Variants in DNAJC3 observed in about 807,000 individuals in gnomAD.
DNAJC3 encodes dnaJ homolog subfamily C member 3.
DNAJC3 carries 38 observed loss-of-function variants against 68.6 expected under a neutral mutation model. The ratio of observed to expected loss-of-function variants is 0.55; its 90% CI spans 0.43 to 0.73. The LOEUF is 0.73. Among genes scored for constraint, DNAJC3 ranks in the 30% least tolerant of loss-of-function variants. DNAJC3 has a pLI of 0.00. For synonymous variants in DNAJC3, 203 were observed against 204.0 expected, an observed-to-expected ratio of 1.00 and a Z score of 0.04; for missense variants, 526 against 591.9, an observed-to-expected ratio of 0.89 and a Z score of 1.16.
intron 4 of DNAJC3, among the ~76,000 whole-genome samples, chr13:95,732,581 T>A (rs1241829189): frequency 6.6e-6 from 1 of 152,078 alleles, no homozygotes; most frequent in Non-Finnish European, 1.5e-5. Context: ...TCTTGGTTAA[T>A]CTAGCTTGTG....
In DNAJC3 at chr13:95,794,075, C is replaced by T. The variant is rs776275786; in HGVS notation, c.*3045C>T. 22 of 152,064 alleles carry T rather than the reference C, an allele frequency of 1.4e-4. No homozygotes were observed. The highest frequency in any genetic ancestry group is 2.0e-4 in the Admixed American group (3 of 15,272). 9.4% of individuals were successfully genotyped at this position (152,064 alleles called of 1,614,324 possible). On this transcript the variant is annotated 3_prime_UTR_variant, in exon 12 of 12. Coordinates refer to ENST00000602402, the MANE Select transcript of DNAJC3 (RefSeq NM_006260.5). ...GTTTACTAATGTGAATCAGATGTAA[C>T]GTACTACTAATTCTACAATGCCTTT...
chr13:95,756,566 G>A (rs1882671796), intron 4 of DNAJC3, among the ~76,000 whole-genome samples: 1 of 152,192 alleles, frequency 6.6e-6, no homozygotes, highest in African/African-American at 2.4e-5. Flanking sequence ...GTCCCACCAG[G>A]TTGGTAGTGG....
At chr13:95,708,525 G>C (rs1880841637) in intron 1 of DNAJC3, among the ~76,000 whole-genome samples, 1 of 152,088 alleles carries the variant, frequency 6.6e-6, no homozygotes, top group Non-Finnish European at 1.5e-5. Context: ...ACCCTTGCTG[G>C]TCCCTCTTCC....
At chr13:95,735,678 T>A (rs1881886691) in intron 4 of DNAJC3, among the ~76,000 whole-genome samples, 2 of 150,010 alleles carry the variant, frequency 1.3e-5, no homozygotes, top group African/African-American at 4.9e-5. Context: ...GTTTGTTTTT[T>A]TCTTGTAAAT....
rs569066619 is a variant in DNAJC3 at position 95,785,711 on chromosome 13, A to C, written c.1076-228A>C. Among the ~76,000 whole-genome samples the C allele has an allele frequency of 9.9e-5, 15 of 151,028 alleles. 1 individual carries two copies. In the East Asian group the frequency reaches 2.9e-3, roughly 29 times the overall value. On this transcript the variant is annotated intron_variant, in intron 9 of 11. Coordinates refer to ENST00000602402, the MANE Select transcript of DNAJC3 (RefSeq NM_006260.5). The stretch of plus-strand genomic sequence containing the variant: ...AACTCCTGACCCTCATGATCCGCCC[A>C]CCTCGACCTCCCAAAGTGATGGGAT...
At chr13:95,786,774 G>C (rs1245533865) in intron 10 of DNAJC3, among the ~76,000 whole-genome samples, 1 of 152,180 alleles carries the variant, frequency 6.6e-6, no homozygotes, top group African/African-American at 2.4e-5. Flanking sequence ...CTAAAGATCA[G>C]GAGTGCTTTA....
Position 95,791,195 on chromosome 13 carries a change from T to A in DNAJC3, c.*165T>A. The A allele has an allele frequency of 1.3e-6, 1 of 795,192 alleles. No homozygotes were observed. Among genetic ancestry groups the A allele is most frequent in the Non-Finnish European group, 2.0e-6 (1 of 510,858 alleles). The allele number at this position is 795,192 out of a possible 1,614,324, so 49.3% of individuals were successfully genotyped here. ...GTTCTTATCCCTGTCAGATTTATGG[T>A]TAATGGGTTTGCAACGGCAAGGAGG... On this transcript the variant is annotated 3_prime_UTR_variant, in exon 12 of 12. Transcript: ENST00000602402.
chr13:95,779,115 CTTTCTTTTTTTTTTTT>C (rs1883365945), intron 9 of DNAJC3, among the ~76,000 whole-genome samples: 1 of 122,298 alleles, frequency 8.2e-6, no homozygotes, highest in African/African-American at 3.2e-5. Context: ...ATATTTTCTT[CTTTCTTTTTTTTTTTT>C]TTTTTTTTTT....
chr13:95,716,992 C>T (rs1881172815), intron 2 of DNAJC3, among the ~76,000 whole-genome samples: 1 of 152,126 alleles, frequency 6.6e-6, no homozygotes, highest in Non-Finnish European at 1.5e-5. Flanking sequence ...CTGCCCCCCT[C>T]CCATATCAAT....
chr13:95,690,587 C>T (rs80129661), intron 1 of DNAJC3, among the ~76,000 whole-genome samples: 3 of 150,474 alleles, frequency 2.0e-5, no homozygotes, highest in Non-Finnish European at 3.0e-5. Flanking sequence ...CCTCACCTCC[C>T]GGACGGGGCG....
At chr13:95,681,387 G>T (rs1371183772) in intron 1 of DNAJC3, among the ~76,000 whole-genome samples, 1 of 152,052 alleles carries the variant, frequency 6.6e-6, no homozygotes, top group East Asian at 1.9e-4. Context: ...GTCTTGCCCT[G>T]TCACCCAGGC....
chr13:95,757,031 T>G (rs1882683198), intron 4 of DNAJC3, among the ~76,000 whole-genome samples: 1 of 152,214 alleles, frequency 6.6e-6, no homozygotes, highest in Non-Finnish European at 1.5e-5. Context: ...ATAAATTATG[T>G]CTTTATAAAG....
intron 2 of DNAJC3, among the ~76,000 whole-genome samples, chr13:95,716,372 A>G (rs1392860566): frequency 1.3e-5 from 2 of 152,138 alleles, no homozygotes; most frequent in Non-Finnish European, 2.9e-5. Flanking sequence ...GGCAATGTCT[A>G]GGACTCCTGA....
At chr13:95,743,554 C>T (rs1323229912) in intron 4 of DNAJC3, among the ~76,000 whole-genome samples, 1 of 152,140 alleles carries the variant, frequency 6.6e-6, no homozygotes, top group Non-Finnish European at 1.5e-5. Flanking sequence ...CCACTGGCCT[C>T]CTGCTTATTG....
At chr13:95,691,729 G>GC (rs1348937148) in intron 1 of DNAJC3, among the ~76,000 whole-genome samples, 2 of 152,222 alleles carry the variant, frequency 1.3e-5, no homozygotes, top group Non-Finnish European at 2.9e-5. Context: ...GTTGTAGCGA[G>GC]CCGAGATCAC....
chr13:95,744,644 C>T (rs751569811), intron 4 of DNAJC3: 4 of 151,974 alleles, frequency 2.6e-5, no homozygotes, highest in African/African-American at 4.8e-5. Context: ...TGCTCAAGGA[C>T]GGTAGAGAGG....
chr13:95,741,866 A>T (rs1319606081), intron 4 of DNAJC3, among the ~76,000 whole-genome samples: 1 of 152,152 alleles, frequency 6.6e-6, no homozygotes, highest in Non-Finnish European at 1.5e-5. Context: ...AGGCCCCAGG[A>T]TAGTGTGCTT....
chr13:95,754,735 T>A (rs1420674097), intron 4 of DNAJC3, among the ~76,000 whole-genome samples: 1 of 152,064 alleles, frequency 6.6e-6, no homozygotes, highest in Non-Finnish European at 1.5e-5. Context: ...CACCTCATGC[T>A]CCAGAAAGGC....
rs201918689 is a variant in DNAJC3, at chr13:95,782,192, C to G, written c.1076-3747C>G. Among the ~76,000 whole-genome samples the G allele has an allele frequency of 4.3e-4, 66 of 152,286 alleles. No homozygotes were observed. The East Asian group carries it at 0.012, about 28-fold the overall frequency. ...TGTATATGTGGCACATTTTCTTTAT[C>G]CAGTCTATCATTGATAGACATTTGG... On this transcript the variant is annotated intron_variant, in intron 9 of 11. Coordinates refer to ENST00000602402, the MANE Select transcript of DNAJC3 (RefSeq NM_006260.5).
Sources: gnomAD v4.1 joint callset for allele counts (sites outside exome capture counted in the v4.1 genomes callset) on GRCh38, gnomAD v4.1.1 for gene constraint, MANE v1.5 for transcripts, NCBI Gene and HGNC (gene_info 2026-07-23, HGNC 2026-07-21) for gene names.